ANKRD12: variants seen among roughly 807,000 people sequenced by gnomAD.
ANKRD12 encodes ankyrin repeat domain-containing protein 12.
In ANKRD12, 85 loss-of-function variants were observed where a neutral mutation model predicts 183.4. The ratio of observed to expected loss-of-function variants is 0.46; its 90% CI spans 0.39 to 0.56. The LOEUF is 0.56. ANKRD12 is among the 20% of genes least tolerant of loss of function. The pLI, the probability that ANKRD12 is intolerant of heterozygous loss-of-function variation, is 0.00. For synonymous variants in ANKRD12, 914 were observed against 800.2 expected (o/e 1.14, Z -2.40); for missense variants, 2,405 against 2,357.1 (o/e 1.02, Z -0.42).
At chr18:9,264,252 T>C (rs1446281494) in intron 10 of ANKRD12, among the ~76,000 whole-genome samples, 1 of 152,236 alleles carries the variant, frequency 6.6e-6, no homozygotes, top group Non-Finnish European at 1.5e-5. Flanking sequence ...TTATAAAGGC[T>C]ATGCTTATTT....
At chr18:9,206,348 C>T (rs2035481491) in intron 4 of ANKRD12, among the ~76,000 whole-genome samples, 1 of 151,964 alleles carries the variant, frequency 6.6e-6, no homozygotes, top group Non-Finnish European at 1.5e-5. Flanking sequence ...AATCACCTTC[C>T]TGACAAGAGA....
At chr18:9,199,138 T>TA (rs974776446) in intron 3 of ANKRD12, among the ~76,000 whole-genome samples, 2 of 151,756 alleles carry the variant, frequency 1.3e-5, no homozygotes, top group Non-Finnish European at 2.9e-5. Context: ...ATAAGAAAAT[T>TA]AAAAAATGAG....
Position 9,285,967 on chromosome 18 carries a change from C to G in ANKRD12, c.*4841C>G, listed in dbSNP as rs2040207287. 1 of 152,136 alleles carries G rather than the reference C, an allele frequency of 6.6e-6. No individual in the cohort carries two copies. Among genetic ancestry groups the G allele is most frequent in the Non-Finnish European group, 1.5e-5 (1 of 68,030 alleles). The allele number at this position is 152,136 out of a possible 1,614,324, so 9.4% of individuals were successfully genotyped here. A position where few individuals can be genotyped will look rare whatever the true frequency, so the allele number is the denominator to read the frequency against. On this transcript the variant is annotated 3_prime_UTR_variant, in exon 13 of 13. Transcript: ENST00000262126. ...CAGTTTGGGACTATTGTTAATAAAC[C>G]TGTGAATCTGCAAGCCTATTTTGTG...
intron 1 of ANKRD12, among the ~76,000 whole-genome samples, chr18:9,178,694 C>A (rs961852657): frequency 1.3e-5 from 2 of 152,036 alleles, no homozygotes; most frequent in African/African-American, 4.8e-5. Context: ...AAAAATAGAT[C>A]CTGGAAATTT....
rs760877159 is a variant in ANKRD12, at chr18:9,257,272, A to T, written c.4005A>T (p.Leu1335Phe). Reference protein sequence around the residue: ...TISEESNQGSLLTVPGDTSPS... With the variant: ...TISEESNQGSFLTVPGDTSPS... Reference sequence around the variant, plus strand: ...CAGAAGAGAGCAATCAAGGTAGCTTATTAACTGTGCCAGGAGATACTAGTC... The same window carrying T: ...CAGAAGAGAGCAATCAAGGTAGCTTTTTAACTGTGCCAGGAGATACTAGTC... Residue 1335 changes from leucine (L) to phenylalanine (F), a missense_variant, in exon 9 of 13, where the codon TTA (leucine) becomes TTT (phenylalanine). By Grantham distance (22) the Leu-to-Phe change is conservative (BLOSUM62 0). Around this residue, in one of 7 missense-constraint regions of ANKRD12, gnomAD observed 1,983 missense variants for 1,725.9 expected, o/e 1.15. Coordinates refer to ENST00000262126, the MANE Select transcript of ANKRD12 (RefSeq NM_015208.5). 6.2e-7 allele frequency: 1 copy of T among 1,614,178 alleles called. No homozygotes were observed. The highest frequency in any genetic ancestry group is 2.2e-5 in the East Asian group (1 of 44,886).
chr18:9,207,744 C>A (rs1046065591), intron 4 of ANKRD12, among the ~76,000 whole-genome samples: 8 of 151,992 alleles, frequency 5.3e-5, no homozygotes, highest in African/African-American at 1.7e-4. Flanking sequence ...ACCCTCAAAC[C>A]TGGATCAGTA....
intron 8 of ANKRD12, among the ~76,000 whole-genome samples, chr18:9,251,603 G>A (rs900932287): frequency 2.0e-5 from 3 of 152,146 alleles, no homozygotes; most frequent in African/African-American, 7.2e-5. Flanking sequence ...AGACCAGTCT[G>A]ACCAACATGG....
chr18:9,214,198 C>A (rs1010343914), intron 6 of ANKRD12, among the ~76,000 whole-genome samples: 1 of 151,896 alleles, frequency 6.6e-6, no homozygotes, highest in Non-Finnish European at 1.5e-5. Context: ...ATAAAAGATA[C>A]CTACATACTA....
At chr18:9,225,825 T>C (rs555004093) in intron 8 of ANKRD12, among the ~76,000 whole-genome samples, 5 of 152,334 alleles carry the variant, frequency 3.3e-5, no homozygotes, top group African/African-American at 1.2e-4. Context: ...TATTCAAACA[T>C]GTAGCAAAGC....
chr18:9,161,966 C>T (rs1187099020), intron 1 of ANKRD12, among the ~76,000 whole-genome samples: 1 of 151,942 alleles, frequency 6.6e-6, no homozygotes, highest in African/African-American at 2.4e-5. Context: ...GGGTGCAAGC[C>T]ATCCTCCTGC....
rs754713567 is a variant in ANKRD12, at chr18:9,257,765, T to C, written c.4498T>C (p.Ser1500Pro). 2 of 1,614,052 alleles carry C rather than the reference T, an allele frequency of 1.2e-6. No individual in the cohort carries two copies. Among genetic ancestry groups the C allele is most frequent in the South Asian group, 2.2e-5 (2 of 91,082 alleles). Residue 1500 changes from serine to proline, a missense_variant, in exon 9 of 13, where the codon TCA becomes CCA. Physicochemically the swap from Ser to Pro is moderately conservative, Grantham distance 74 (BLOSUM62 -1). Around this residue, in one of 7 missense-constraint regions of ANKRD12, gnomAD observed 1,983 missense variants for 1,725.9 expected, o/e 1.15. Coordinates refer to ENST00000262126, the MANE Select transcript of ANKRD12 (RefSeq NM_015208.5). ...QPCSFPSQSLSDAESISKHMS... is the reference protein window; with the variant it reads ...QPCSFPSQSLPDAESISKHMS... ...TTGCTCTTTCCCCAGCCAATCACTT[T>C]CAGATGCTGAATCGATTTCTAAACA...
chr18:9,146,293 T>C (rs2078490940), intron 1 of ANKRD12, among the ~76,000 whole-genome samples: 1 of 152,216 alleles, frequency 6.6e-6, no homozygotes, highest in Non-Finnish European at 1.5e-5. Context: ...CCTGGCACAG[T>C]GGCACATGCC....
intron 8 of ANKRD12, among the ~76,000 whole-genome samples, chr18:9,228,266 G>A (rs939587158): frequency 1.3e-5 from 2 of 152,134 alleles, no homozygotes; most frequent in African/African-American, 4.8e-5. Flanking sequence ...TTTGCTGTCG[G>A]GAACAGAGCT....
At chr18:9,138,154 T>C (rs2078187916) in intron 1 of ANKRD12, among the ~76,000 whole-genome samples, 1 of 152,216 alleles carries the variant, frequency 6.6e-6, no homozygotes, top group Non-Finnish European at 1.5e-5. Context: ...TTTAGAATGG[T>C]TTATGTAAAT....
At position 9,276,550 on chromosome 18, in the gene ANKRD12, C is replaced by CA. The variant is rs1314930384; in HGVS notation, c.5907+889dup. Reference sequence around the variant, plus strand: ...GAAACATGGTGAAACCCCGTCTTTACAAAAAATATAAAAATTAACTGGGTG... The same window carrying CA: ...GAAACATGGTGAAACCCCGTCTTTACAAAAAAATATAAAAATTAACTGGGTG... On this transcript the variant is annotated intron_variant, in intron 11 of 12. Transcript: ENST00000262126. Among the ~76,000 whole-genome samples the CA allele has an allele frequency of 5.3e-5, 8 of 151,874 alleles. No individual in the cohort carries two copies. In the East Asian group the frequency reaches 1.6e-3, roughly 29 times the overall value.
Position 9,230,438 on chromosome 18 carries a change from T to C in ANKRD12, c.943+8439T>C, listed in dbSNP as rs1247013977. 3.9e-5 allele frequency among the ~76,000 whole-genome samples: 6 copies of C among 152,174 alleles called. No individual in the cohort carries two copies. In the East Asian group the frequency reaches 1.2e-3, roughly 29 times the overall value. ...TCATTCCATAGATCCTTTGCATTTT[T>C]TTAAGTCTCTGTATTTTGTTTAGTT... On this transcript the variant is annotated intron_variant, in intron 8 of 12. Coordinates refer to ENST00000262126, the MANE Select transcript of ANKRD12 (RefSeq NM_015208.5).
At chr18:9,251,662 C>T (rs1293610272) in intron 8 of ANKRD12, among the ~76,000 whole-genome samples, 1 of 152,056 alleles carries the variant, frequency 6.6e-6, no homozygotes, top group African/African-American at 2.4e-5. Flanking sequence ...TGCGTGGTGG[C>T]AGGCGCCTGT....
chr18:9,280,966 A>G lies in ANKRD12; in HGVS notation c.6029A>G (p.His2010Arg). 1 of 1,613,550 alleles carries G rather than the reference A, an allele frequency of 6.2e-7. No homozygotes were observed. Among genetic ancestry groups the G allele is most frequent in the South Asian group, 1.1e-5 (1 of 90,892 alleles). ...ACCTGTCTTTTAATGAGGCAACAAC[A>G]TGAAGCTGCGGCTTTAAATGCTGTC... ...LKTCLLMRQQ[H>R]EAAALNAVQR... The change falls in exon 13 of 13, where the codon CAT (histidine) becomes CGT (arginine). Residue 2010 changes from histidine to arginine, a missense_variant. Physicochemically the swap from His to Arg is conservative, Grantham distance 29 (BLOSUM62 0). Around this residue, in one of 7 missense-constraint regions of ANKRD12, gnomAD observed 162 missense variants for 272.2 expected, o/e 0.60. Transcript: ENST00000262126.
chr18:9,157,585 G>GTGTGTGTGTGTGTGTGTA (rs1472659778), intron 1 of ANKRD12, among the ~76,000 whole-genome samples: 3 of 92,700 alleles, frequency 3.2e-5, no homozygotes, highest in African/African-American at 1.6e-4. Flanking sequence ...GTGTGTGTGT[G>GTGTGTGTGTGTGTGTGTA]TATATATATA....
Sources: gnomAD v4.1 joint callset for allele counts (sites outside exome capture counted in the v4.1 genomes callset) on GRCh38, gnomAD v4.1.1 for gene constraint, gnomAD v4.1.1 regional missense constraint, MANE v1.5 for transcripts, NCBI Gene and HGNC (gene_info 2026-07-23, HGNC 2026-07-21) for gene names.